PTPN1: variants seen among roughly 807,000 people sequenced by gnomAD.
The protein encoded by PTPN1 is tyrosine-protein phosphatase non-receptor type 1.
In PTPN1, 12 loss-of-function variants were observed where a neutral mutation model predicts 59.9. The observed-to-expected ratio is 0.20, with a 90% CI of 0.13 to 0.32. PTPN1 has a LOEUF of 0.32. PTPN1 is among the 10% of genes least tolerant of loss of function. The pLI, the probability that PTPN1 is intolerant of heterozygous loss-of-function variation, is 1.00. For synonymous variants in PTPN1, 178 were observed against 203.6 expected (o/e 0.87, Z 1.07); for missense variants, 356 against 549.2 (o/e 0.65, Z 3.52).
chr20:50,520,319 C>T (rs1045191178), intron 1 of PTPN1, among the ~76,000 whole-genome samples: 3 of 148,128 alleles, frequency 2.0e-5, no homozygotes, highest in Non-Finnish European at 3.0e-5. Context: ...TGCATTGAGC[C>T]GAGATCATAC....
chr20:50,516,963 A>T (rs979116309), intron 1 of PTPN1, among the ~76,000 whole-genome samples: 3 of 152,236 alleles, frequency 2.0e-5, no homozygotes, highest in African/African-American at 7.2e-5. Context: ...TTTAGAAATA[A>T]TGCTTTACTT....
intron 1 of PTPN1, among the ~76,000 whole-genome samples, chr20:50,528,418 A>C (rs2082586535): frequency 6.6e-6 from 1 of 152,172 alleles, no homozygotes; most frequent in Non-Finnish European, 1.5e-5. Flanking sequence ...TGGCATATAG[A>C]AAATACCCAA....
intron 6 of PTPN1, 64 bp from the exon 7 acceptor site, chr20:50,579,104 G>T: frequency 6.6e-7 from 1 of 1,525,666 alleles, no homozygotes; most frequent in East Asian, 2.3e-5. Context: ...ACATCTAACG[G>T]TGTTATTAAC....
At chr20:50,522,881 G>A (rs2082557100) in intron 1 of PTPN1, among the ~76,000 whole-genome samples, 1 of 151,576 alleles carries the variant, frequency 6.6e-6, no homozygotes, top group African/African-American at 2.4e-5. Flanking sequence ...AGCCTCCCGA[G>A]TAGCTGGGAT....
chr20:50,557,080 A>AAT (rs1027741216), intron 1 of PTPN1, among the ~76,000 whole-genome samples: 52 of 152,102 alleles, frequency 3.4e-4, no homozygotes, highest in Admixed American at 3.1e-3. Context: ...AATAAAATAA[A>AAT]ATATGGTGGT....
chr20:50,546,374 G>A (rs1324597571), intron 1 of PTPN1, among the ~76,000 whole-genome samples: 1 of 152,180 alleles, frequency 6.6e-6, no homozygotes, highest in Admixed American at 6.5e-5. Flanking sequence ...TTGGTTGCCT[G>A]CTTCCTCTCT....
chr20:50,582,399 A>G lies in PTPN1; in HGVS notation c.1285-293A>G, dbSNP rs2082873452. 6.6e-6 allele frequency among the ~76,000 whole-genome samples: 1 copy of G among 152,266 alleles called. No individual in the cohort carries two copies. Among genetic ancestry groups the G allele is most frequent in the Non-Finnish European group, 1.5e-5 (1 of 68,048 alleles). On this transcript the variant is annotated intron_variant, in intron 9 of 9. Coordinates refer to ENST00000371621, the MANE Select transcript of PTPN1 (RefSeq NM_002827.4). This position sits in a 1 kb window ranked among gnomAD's most constrained non-coding sequence, Gnocchi z 4.2. ...TTAAGTAAGGGGAAGAGAGAGGACT[A>G]GCCTCAGAGCTCTGGCCATGGAAAT...
chr20:50,557,315 C>G (rs1194519916), intron 1 of PTPN1, among the ~76,000 whole-genome samples: 1 of 152,156 alleles, frequency 6.6e-6, no homozygotes, highest in Admixed American at 6.5e-5. Flanking sequence ...ACTGTAGCCT[C>G]GAACTCCTGG....
intron 1 of PTPN1, among the ~76,000 whole-genome samples, chr20:50,544,448 G>A (rs745882858): frequency 3.9e-5 from 6 of 152,144 alleles, no homozygotes; most frequent in Non-Finnish European, 7.3e-5. Context: ...AAGCCATTGC[G>A]CCCTGCCTGA....
chr20:50,561,484 G>T, intron 2 of PTPN1, 31 bp downstream of exon 2: 1 of 1,458,794 alleles, frequency 6.9e-7, no homozygotes, highest in Non-Finnish European at 9.5e-7. Context: ...TACCAGTCTT[G>T]CTCTTCCTTT....
At chr20:50,570,328 G>A (rs1184383361) in intron 4 of PTPN1, among the ~76,000 whole-genome samples, 1 of 152,070 alleles carries the variant, frequency 6.6e-6, no homozygotes, top group Non-Finnish European at 1.5e-5. Context: ...GGGGTTTTTT[G>A]GGGGTTTTTT....
chr20:50,538,718 T>C (rs1345699688), intron 1 of PTPN1, among the ~76,000 whole-genome samples: 2 of 152,252 alleles, frequency 1.3e-5, no homozygotes, highest in Non-Finnish European at 1.5e-5. Flanking sequence ...TATACTATTA[T>C]CTTTATTATA....
At chr20:50,535,665 A>C (rs150197933) in intron 1 of PTPN1, among the ~76,000 whole-genome samples, 1 of 152,288 alleles carries the variant, frequency 6.6e-6, no homozygotes, top group African/African-American at 2.4e-5. Flanking sequence ...TTTCCTTTTT[A>C]ATGCTTAGAC....
chr20:50,514,417 G>A (rs2082520257), intron 1 of PTPN1, among the ~76,000 whole-genome samples: 1 of 152,138 alleles, frequency 6.6e-6, no homozygotes, highest in South Asian at 2.1e-4. Context: ...CTGAAATAAC[G>A]GCCTTTTGTT....
intron 1 of PTPN1, among the ~76,000 whole-genome samples, chr20:50,551,283 T>G (rs909185809): frequency 6.6e-6 from 1 of 152,242 alleles, no homozygotes; most frequent in African/African-American, 2.4e-5. Flanking sequence ...AGAAGGTTTC[T>G]GCCCCTCCTT....
chr20:50,520,614 T>A (rs1232825852), intron 1 of PTPN1, among the ~76,000 whole-genome samples: 1 of 152,158 alleles, frequency 6.6e-6, no homozygotes, highest in Non-Finnish European at 1.5e-5. Context: ...GATAGAACAT[T>A]TTGCTCCTAA....
In PTPN1 at chr20:50,520,227, C is replaced by T. The variant is rs369586904; in HGVS notation, c.63+9637C>T. ...TCTCTACTAAAAATACAAAATTAGCCGAGCGTGGTGGTACATGCCTGTAAT... is the reference window on the plus strand; with the variant it reads ...TCTCTACTAAAAATACAAAATTAGCTGAGCGTGGTGGTACATGCCTGTAAT... On this transcript the variant is annotated intron_variant, in intron 1 of 9. Coordinates refer to ENST00000371621, the MANE Select transcript of PTPN1 (RefSeq NM_002827.4). Among the ~76,000 whole-genome samples, 384 of 151,962 alleles carry T rather than the reference C, an allele frequency of 2.5e-3. 1 individual carries two copies. The highest frequency in any genetic ancestry group is 8.7e-3 in the African/African-American group (362 of 41,430).
intron 1 of PTPN1, among the ~76,000 whole-genome samples, chr20:50,553,578 T>C (rs184550759): frequency 6.6e-6 from 1 of 152,340 alleles, no homozygotes; most frequent in Non-Finnish European, 1.5e-5. Flanking sequence ...CTGTAATACG[T>C]AGGATATTTG....
At chr20:50,549,541 A>G (rs2082692823) in intron 1 of PTPN1, among the ~76,000 whole-genome samples, 1 of 152,208 alleles carries the variant, frequency 6.6e-6, no homozygotes, top group African/African-American at 2.4e-5. Flanking sequence ...TGGCAGGGAC[A>G]GTTACTTGGT....
Sources: allele counts gnomAD v4.1 joint callset (sites outside exome capture counted in the v4.1 genomes callset), GRCh38; gene constraint gnomAD v4.1.1; non-coding constraint Gnocchi (gnomAD v3.1); transcripts MANE v1.5; gene names NCBI Gene and HGNC (gene_info 2026-07-23, HGNC 2026-07-21).